The following PTK2 variants were observed in gnomAD, a reference collection of about 807,000 sequenced individuals.
PTK2 encodes protein tyrosine kinase 2.
A neutral mutation model predicts 150.1 loss-of-function variants in PTK2; 45 were observed. That is an observed-to-expected ratio of 0.30 (90% confidence interval 0.24 to 0.38). PTK2 has a LOEUF of 0.38. PTK2 is among the 10% of genes least tolerant of loss of function. PTK2 has a pLI of 1.00. For missense variants in PTK2, 919 were observed against 1,307.3 expected, an observed-to-expected ratio of 0.70 and a Z score of 4.58; for synonymous variants, 432 against 449.2, an observed-to-expected ratio of 0.96 and a Z score of 0.48.
intron 5 of PTK2, among the ~76,000 whole-genome samples, chr8:140,850,646 C>A (rs539542717): frequency 4.7e-4 from 72 of 151,822 alleles, no homozygotes; most frequent in African/African-American, 1.5e-3. Context: ...AAGAGAATGG[C>A]GTGAACGCGG....
chr8:140,852,325 G>A (rs1177117743), intron 5 of PTK2, among the ~76,000 whole-genome samples: 1 of 152,316 alleles, frequency 6.6e-6, no homozygotes, highest in African/African-American at 2.4e-5. Flanking sequence ...GACAGCATGT[G>A]ACTAATAAAG....
intron 10 of PTK2, among the ~76,000 whole-genome samples, chr8:140,813,174 T>C (rs1384010554): frequency 1.3e-5 from 2 of 152,138 alleles, no homozygotes; most frequent in Non-Finnish European, 2.9e-5. Context: ...GAAATCATAA[T>C]AACCATTCCC....
At chr8:140,753,035 GGGTTT>G (rs2100063703) in intron 16 of PTK2, among the ~76,000 whole-genome samples, 1 of 152,232 alleles carries the variant, frequency 6.6e-6, no homozygotes, top group African/African-American at 2.4e-5. Flanking sequence ...AGCCAAGGTA[GGGTTT>G]GGACATTGGA....
intron 11 of PTK2, among the ~76,000 whole-genome samples, chr8:140,802,619 A>G (rs1351548092): frequency 2.0e-5 from 3 of 152,226 alleles, no homozygotes; most frequent in Non-Finnish European, 2.9e-5. Context: ...ACTCACCCAC[A>G]GCAGCTTCCA....
In PTK2 at chr8:140,951,317, G is replaced by A. The variant is rs567041145; in HGVS notation, c.-121-25568C>T. Among the ~76,000 whole-genome samples the A allele has an allele frequency of 8.5e-5, 13 of 152,274 alleles. No individual in the cohort carries two copies. The South Asian group carries it at 1.0e-3, about 12-fold the overall frequency. ...CAACTCCGCCAAAGCTAGCTGCTTC[G>A]CAACCAGATCCATACTGCAGGAGCT... is the stretch of plus-strand genomic sequence containing the variant. On this transcript the variant is annotated intron_variant, in intron 1 of 31. Transcript: ENST00000522684.
intron 31 of PTK2, chr8:140,662,994 G>T: frequency 5.1e-6 from 2 of 393,112 alleles, no homozygotes; most frequent in South Asian, 1.1e-4. Context: ...GTGTAATCCT[G>T]GTCTGGCTCT....
chr8:140,924,485 G>A (rs2100168724), intron 2 of PTK2, among the ~76,000 whole-genome samples: 2 of 152,100 alleles, frequency 1.3e-5, no homozygotes, highest in Non-Finnish European at 2.9e-5. Flanking sequence ...CTGAAGTGTA[G>A]GCCATATTCC....
intron 14 of PTK2, among the ~76,000 whole-genome samples, chr8:140,778,029 C>T (rs1399878800): frequency 6.6e-6 from 1 of 152,200 alleles, no homozygotes; most frequent in Non-Finnish European, 1.5e-5. Context: ...ACACGGCAGC[C>T]TTGGGAATGA....
intron 27 of PTK2, among the ~76,000 whole-genome samples, chr8:140,677,988 C>T (rs544431824): frequency 7.9e-6 from 1 of 127,200 alleles, no homozygotes; most frequent in South Asian, 2.6e-4. Context: ...GAAGCTGTGT[C>T]CCACAAAGAA....
At chr8:140,667,143 GCA>G (rs1440732098) in intron 30 of PTK2, among the ~76,000 whole-genome samples, 5 of 152,160 alleles carry the variant, frequency 3.3e-5, no homozygotes, top group African/African-American at 1.2e-4. Flanking sequence ...TGTTTCAAAT[GCA>G]CAGTTTCAGT....
At chr8:140,870,987 C>G (rs1010945398) in intron 4 of PTK2, among the ~76,000 whole-genome samples, 5 of 152,012 alleles carry the variant, frequency 3.3e-5, no homozygotes, top group Non-Finnish European at 5.9e-5. Context: ...GTGGTGGGCT[C>G]CTATCATTTA....
At chr8:140,714,084 C>T (rs1402103371) in intron 23 of PTK2, among the ~76,000 whole-genome samples, 1 of 151,894 alleles carries the variant, frequency 6.6e-6, no homozygotes, top group Non-Finnish European at 1.5e-5. Context: ...AAGACAGTCT[C>T]ATCCTGTTGC....
At chr8:140,835,706 G>A (rs1453533709) in intron 7 of PTK2, among the ~76,000 whole-genome samples, 1 of 152,120 alleles carries the variant, frequency 6.6e-6, no homozygotes, top group East Asian at 1.9e-4. Context: ...CCCTCTAAGG[G>A]AAAGTATTAA....
At chr8:140,743,429 C>CTTA (rs1294606212) in intron 19 of PTK2, 99 bp from the exon 23 acceptor site, 1 of 769,730 alleles carries the variant, frequency 1.3e-6, no homozygotes, top group Non-Finnish European at 2.1e-6. Flanking sequence ...TGAAAGACAG[C>CTTA]TTATATACAA....
At chr8:140,700,555 C>T (rs1027208132) in intron 26 of PTK2, among the ~76,000 whole-genome samples, 1 of 151,608 alleles carries the variant, frequency 6.6e-6, no homozygotes, top group African/African-American at 2.4e-5. Flanking sequence ...ATGATCTCGG[C>T]TCACTGCAAC....
chr8:140,680,082 C>T (rs1359783171), intron 27 of PTK2, among the ~76,000 whole-genome samples: 3 of 152,080 alleles, frequency 2.0e-5, no homozygotes, highest in African/African-American at 2.4e-5. Context: ...CGACAGTACC[C>T]GATGTGTCAA....
intron 1 of PTK2, among the ~76,000 whole-genome samples, chr8:140,950,508 TCACACACC>T (rs1418690371): frequency 2.0e-5 from 3 of 152,196 alleles, no homozygotes; most frequent in Admixed American, 6.5e-5. Flanking sequence ...GACCACATGC[TCACACACC>T]CACACACCCC....
intron 12 of PTK2, among the ~76,000 whole-genome samples, chr8:140,798,844 C>T (rs749798268): frequency 2.0e-5 from 3 of 151,846 alleles, no homozygotes; most frequent in South Asian, 4.2e-4. Context: ...GTATAAAGTG[C>T]GACACTGGAA....
chr8:140,974,171 A>G (rs927363287), intron 1 of PTK2, among the ~76,000 whole-genome samples: 1 of 152,124 alleles, frequency 6.6e-6, no homozygotes, highest in Non-Finnish European at 1.5e-5. Context: ...CCTGATGCTC[A>G]TATCTCAACA....
Sources: allele counts gnomAD v4.1 joint callset (sites outside exome capture counted in the v4.1 genomes callset), GRCh38; gene constraint gnomAD v4.1.1; transcripts MANE v1.5; gene names NCBI Gene and HGNC (gene_info 2026-07-23, HGNC 2026-07-21).